Variants in TASP1 observed in about 807,000 individuals in gnomAD.
TASP1 encodes taspase 1.
In TASP1, 16 loss-of-function variants were observed where a neutral mutation model predicts 56.6. The ratio of observed to expected loss-of-function variants is 0.28; its 90% CI spans 0.19 to 0.43. The LOEUF is 0.43. TASP1 is among the 20% of genes least tolerant of loss of function. TASP1 has a pLI of 1.00. For synonymous variants in TASP1, 179 were observed against 184.2 expected, an observed-to-expected ratio of 0.97 and a Z score of 0.23; for missense variants, 393 against 511.6, an observed-to-expected ratio of 0.77 and a Z score of 2.24.
intron 12 of TASP1, among the ~76,000 whole-genome samples, chr20:13,434,129 T>C (rs6105097): frequency 0.058 from 8,885 of 151,962 alleles, 364 homozygotes; most frequent in African/African-American, 0.12. Context: ...ACTTCTGGGG[T>C]TGTGGCAAAG....
At chr20:13,608,247 T>C (rs1282657388) in intron 4 of TASP1, among the ~76,000 whole-genome samples, 3 of 152,236 alleles carry the variant, frequency 2.0e-5, no homozygotes, top group African/African-American at 7.2e-5. Context: ...ATTTACAGGA[T>C]GAATGGAAGC....
At chr20:13,620,068 G>A (rs771315060) in intron 4 of TASP1, among the ~76,000 whole-genome samples, 29 of 151,938 alleles carry the variant, frequency 1.9e-4, no homozygotes, top group Admixed American at 5.2e-4. Context: ...TTTTGCACCC[G>A]CCCCTCCTTT....
At chr20:13,492,278 T>C (rs2043560351) in intron 10 of TASP1, among the ~76,000 whole-genome samples, 1 of 152,210 alleles carries the variant, frequency 6.6e-6, no homozygotes, top group Non-Finnish European at 1.5e-5. Flanking sequence ...CATCCCCTCT[T>C]AGAAGTCCAC....
chr20:13,307,070 T>C, the TASP1 span, among the ~76,000 whole-genome samples: 1 of 152,138 alleles, frequency 6.6e-6, no homozygotes, highest in South Asian at 2.1e-4. Context: ...GCCAGAAAGA[T>C]AAAGGCTTGT....
chr20:13,121,941 G>A, the TASP1 span, among the ~76,000 whole-genome samples: 1 of 152,222 alleles, frequency 6.6e-6, no homozygotes, highest in Non-Finnish European at 1.5e-5. Flanking sequence ...CTCAATCTGT[G>A]AATTAGGGTT....
intron 11 of TASP1, among the ~76,000 whole-genome samples, chr20:13,470,082 A>G (rs2044431093): frequency 6.6e-6 from 1 of 151,894 alleles, no homozygotes; most frequent in African/African-American, 2.4e-5. Context: ...GTGATTTTTA[A>G]TCATCCATTG....
the TASP1 span, among the ~76,000 whole-genome samples, chr20:13,116,771 G>C: frequency 6.6e-6 from 1 of 152,206 alleles, no homozygotes; most frequent in African/African-American, 2.4e-5. Flanking sequence ...ATTGGTGGCA[G>C]CATCTCCTGG....
intron 10 of TASP1, among the ~76,000 whole-genome samples, chr20:13,523,578 G>A (rs2044854998): frequency 6.6e-6 from 1 of 152,112 alleles, no homozygotes; most frequent in African/African-American, 2.4e-5. Flanking sequence ...CCTAGCCCTT[G>A]AGGAAGAAAC....
At chr20:13,379,550 G>A in the TASP1 span, among the ~76,000 whole-genome samples, 15 of 151,950 alleles carry the variant, frequency 9.9e-5, no homozygotes, top group African/African-American at 3.4e-4. Context: ...ACAAACATGC[G>A]TCTCGTGGTT....
chr20:13,146,574 TATC>T, the TASP1 span, among the ~76,000 whole-genome samples: 8 of 152,238 alleles, frequency 5.3e-5, no homozygotes, highest in African/African-American at 1.4e-4. Context: ...TATTATATCT[TATC>T]ATTCATTTTA....
At chr20:13,496,811 T>C (rs1010483086) in intron 10 of TASP1, among the ~76,000 whole-genome samples, 5 of 152,112 alleles carry the variant, frequency 3.3e-5, no homozygotes, top group South Asian at 2.1e-4. Flanking sequence ...GTAATAACAA[T>C]AGCAAGCCAG....
chr20:13,205,723 G>A, the TASP1 span, among the ~76,000 whole-genome samples: 1 of 152,128 alleles, frequency 6.6e-6, no homozygotes, highest in Non-Finnish European at 1.5e-5. Flanking sequence ...GGGGATTAGG[G>A]CTTCAATGCA....
the TASP1 span, among the ~76,000 whole-genome samples, chr20:13,349,564 A>G: frequency 8.5e-5 from 13 of 152,196 alleles, no homozygotes; most frequent in African/African-American, 3.1e-4. Flanking sequence ...AGAAACAAAG[A>G]AAAAAAGAAG....
the TASP1 span, among the ~76,000 whole-genome samples, chr20:13,279,354 A>C: frequency 6.6e-6 from 1 of 152,180 alleles, no homozygotes; most frequent in Non-Finnish European, 1.5e-5. Flanking sequence ...GCAATCCAAC[A>C]GTCATTGTTT....
chr20:13,473,846 G>C (rs1600915192), intron 11 of TASP1, among the ~76,000 whole-genome samples: 1 of 152,138 alleles, frequency 6.6e-6, no homozygotes, highest in East Asian at 1.9e-4. Flanking sequence ...GTAAAAGCAG[G>C]AGGATTACTG....
At chr20:13,330,922 T>C in the TASP1 span, among the ~76,000 whole-genome samples, 1 of 152,204 alleles carries the variant, frequency 6.6e-6, no homozygotes, top group East Asian at 1.9e-4. Flanking sequence ...CTAGAGTTCA[T>C]AAATTTTACT....
chr20:13,386,955 T>C (rs73088283), downstream of TASP1, among the ~76,000 whole-genome samples: 1,529 of 152,240 alleles, frequency 0.01, 10 homozygotes, highest in South Asian at 0.021. Flanking sequence ...TTACGGATAA[T>C]TGTATCACCC....
At chr20:13,172,364 T>G in the TASP1 span, among the ~76,000 whole-genome samples, 1 of 152,142 alleles carries the variant, frequency 6.6e-6, no homozygotes, top group Non-Finnish European at 1.5e-5. Flanking sequence ...ACATGGAAAG[T>G]TCATACCAAT....
At chr20:13,478,533 A>G (rs1320488957) in intron 11 of TASP1, among the ~76,000 whole-genome samples, 1 of 152,154 alleles carries the variant, frequency 6.6e-6, no homozygotes, top group African/African-American at 2.4e-5. Flanking sequence ...GTACACATGG[A>G]CATAGAGTCT....
Sources: allele counts gnomAD v4.1 joint callset (sites outside exome capture counted in the v4.1 genomes callset), GRCh38; gene constraint gnomAD v4.1.1; transcripts MANE v1.5; gene names NCBI Gene and HGNC (gene_info 2026-07-23, HGNC 2026-07-21).